The following SORCS3 variants were observed in gnomAD, a reference collection of about 807,000 sequenced individuals.
SORCS3 encodes sortilin related VPS10 domain containing receptor 3.
SORCS3 carries 57 observed loss-of-function variants against 146.3 expected under a neutral mutation model. The observed-to-expected ratio is 0.39, with a 90% CI of 0.31 to 0.49. SORCS3 has a LOEUF of 0.49. SORCS3 is among the 20% of genes least tolerant of loss of function. The pLI, the probability that SORCS3 is intolerant of heterozygous loss-of-function variation, is 0.92. For synonymous variants in SORCS3, 653 were observed against 618.5 expected (o/e 1.06, Z -0.83); for missense variants, 1,341 against 1,575.5 (o/e 0.85, Z 2.52).
At position 104,641,404 on chromosome 10, in the gene SORCS3, C is replaced by A; in HGVS notation, c.77C>A (p.Ser26Ter). 6.8e-7 allele frequency: 1 copy of A among 1,461,434 alleles called. No homozygotes were observed. The highest frequency in any genetic ancestry group is 9.0e-7 in the Non-Finnish European group (1 of 1,112,572). 90.5% of individuals were successfully genotyped at this position (1,461,434 alleles called of 1,614,324 possible). The part of the protein sequence containing the change: ...PLVRTGLLLL[S>*]TWVLAGAEIT... ...GTCCGGACGGGGCTCCTACTCTTGT[C>A]GACGTGGGTCCTGGCCGGCGCCGAG... The change falls in exon 1 of 27, where the codon TCG (serine) becomes TAG (stop). Residue 26 changes from serine (S) to a stop codon, truncating the protein, a stop_gained. Coordinates refer to ENST00000369701, the MANE Select transcript of SORCS3 (RefSeq NM_014978.3). LOFTEE classifies it high-confidence loss of function. The surrounding 1 kb of genome is among the most constrained non-coding windows in gnomAD (Gnocchi z 6.4).
At chr10:104,723,804 C>CT (rs1490181966) in intron 1 of SORCS3, among the ~76,000 whole-genome samples, 6 of 151,900 alleles carry the variant, frequency 3.9e-5, no homozygotes, top group Non-Finnish European at 8.8e-5. Flanking sequence ...CAACCCCTGC[C>CT]TTTTTTTGTT....
At chr10:105,038,111 A>G (rs1040613424) in intron 4 of SORCS3, among the ~76,000 whole-genome samples, 1 of 152,200 alleles carries the variant, frequency 6.6e-6, no homozygotes, top group South Asian at 2.1e-4. Flanking sequence ...TACAGTGGAA[A>G]GAAGGGAAAG....
At chr10:105,217,719 G>C (rs1038610692) in intron 19 of SORCS3, 11 of 438,718 alleles carry the variant, frequency 2.5e-5, no homozygotes, top group Non-Finnish European at 4.6e-5. Flanking sequence ...ATTGGCTGTT[G>C]CTTGGCACAA....
intron 22 of SORCS3, among the ~76,000 whole-genome samples, chr10:105,248,941 G>T (rs535292873): frequency 6.6e-6 from 1 of 152,258 alleles, no homozygotes; most frequent in Non-Finnish European, 1.5e-5. Context: ...AAGAGAATAG[G>T]TTTATATGTC....
chr10:105,200,365 G>A (rs1335336527), intron 15 of SORCS3, among the ~76,000 whole-genome samples: 1 of 152,210 alleles, frequency 6.6e-6, no homozygotes, highest in Non-Finnish European at 1.5e-5. Context: ...GGGGAAAGGT[G>A]TTGATGATAA....
At chr10:105,045,055 A>C (rs1408026405) in intron 5 of SORCS3, among the ~76,000 whole-genome samples, 1 of 148,638 alleles carries the variant, frequency 6.7e-6, no homozygotes, top group African/African-American at 2.5e-5. Flanking sequence ...AGAAAGAAAG[A>C]AAGCGAAAGA....
chr10:104,898,966 T>C (rs1472067174), intron 2 of SORCS3, among the ~76,000 whole-genome samples: 2 of 152,226 alleles, frequency 1.3e-5, no homozygotes. Flanking sequence ...GTCTCCAAGA[T>C]GCATGTCCAG....
At chr10:105,014,068 C>CATAT (rs59328970) in intron 4 of SORCS3, among the ~76,000 whole-genome samples, 5,350 of 136,150 alleles carry the variant, frequency 0.039, 122 homozygotes, top group East Asian at 0.13. Context: ...TCTAAATATA[C>CATAT]ATATATATAT....
intron 5 of SORCS3, 123 bp downstream of exon 5, chr10:105,043,251 A>G (rs1236010514): frequency 7.2e-6 from 6 of 831,254 alleles, no homozygotes; most frequent in Non-Finnish European, 1.2e-5. Flanking sequence ...TTTGCTACAC[A>G]GAGTGGTTTG....
chr10:104,996,823 T>C (rs571283500), intron 4 of SORCS3, among the ~76,000 whole-genome samples: 1 of 151,602 alleles, frequency 6.6e-6, no homozygotes, highest in East Asian at 1.9e-4. Context: ...AAAAAAAAAT[T>C]TTTACTACCA....
intron 1 of SORCS3, among the ~76,000 whole-genome samples, chr10:104,761,612 C>G (rs571606751): frequency 1.8e-4 from 28 of 152,208 alleles, no homozygotes; most frequent in African/African-American, 5.3e-4. Flanking sequence ...ATCCAAGATC[C>G]TGAATGGATA....
At chr10:104,917,744 T>A (rs956652440) in intron 3 of SORCS3, among the ~76,000 whole-genome samples, 4 of 152,216 alleles carry the variant, frequency 2.6e-5, no homozygotes, top group African/African-American at 9.6e-5. Flanking sequence ...ATGGTATTTG[T>A]CTGTCTGTGT....
intron 20 of SORCS3, among the ~76,000 whole-genome samples, chr10:105,231,076 C>A (rs1006965070): frequency 1.3e-5 from 2 of 152,208 alleles, no homozygotes; most frequent in African/African-American, 4.8e-5. Flanking sequence ...GGGAATCTCT[C>A]CAAACTCCTA....
In SORCS3 at chr10:105,190,349, A is replaced by G. The variant is rs187499162; in HGVS notation, c.2010-9650A>G. 1.6e-3 allele frequency among the ~76,000 whole-genome samples: 247 copies of G among 152,336 alleles called. 2 individuals are homozygous for G. The Middle Eastern group carries it at 0.027, about 17-fold the overall frequency. On this transcript the variant is annotated intron_variant, in intron 14 of 26. Transcript: ENST00000369701. ...ACGAATAAAATGAGATGATCCATGC[A>G]TAGTTGTTAGCATACCCTCAGTGTT... is the stretch of plus-strand genomic sequence containing the variant.
chr10:104,849,409 CT>C (rs1564697699), intron 2 of SORCS3, among the ~76,000 whole-genome samples: 2 of 57,216 alleles, frequency 3.5e-5, no homozygotes, highest in African/African-American at 1.9e-4. Context: ...GAGACTCCAT[CT>C]CAAAAAAAAA....
intron 1 of SORCS3, among the ~76,000 whole-genome samples, chr10:104,648,634 G>A (rs577063541): frequency 6.6e-6 from 1 of 152,294 alleles, no homozygotes; most frequent in South Asian, 2.1e-4. Flanking sequence ...GTTAATGGGG[G>A]CCTCTTGTGA....
At chr10:105,102,706 C>T (rs1436649048) in intron 6 of SORCS3, among the ~76,000 whole-genome samples, 4 of 151,012 alleles carry the variant, frequency 2.6e-5, no homozygotes, top group South Asian at 2.1e-4. Flanking sequence ...ACAGTGGCTC[C>T]TGGGTTTCAT....
At chr10:104,728,516 G>A (rs2133451216) in intron 1 of SORCS3, among the ~76,000 whole-genome samples, 1 of 152,276 alleles carries the variant, frequency 6.6e-6, no homozygotes, top group South Asian at 2.1e-4. Flanking sequence ...AAAATGGTTG[G>A]AAACCAGGTT....
intron 1 of SORCS3, among the ~76,000 whole-genome samples, chr10:104,806,970 T>A: frequency 6.6e-6 from 1 of 152,106 alleles, no homozygotes; most frequent in East Asian, 1.9e-4. Flanking sequence ...TGACACATTC[T>A]GGAAAACTTT....
Sources: gnomAD v4.1 joint callset for allele counts (sites outside exome capture counted in the v4.1 genomes callset) on GRCh38, gnomAD v4.1.1 for gene constraint, Gnocchi (gnomAD v3.1) non-coding constraint, MANE v1.5 for transcripts, NCBI Gene and HGNC (gene_info 2026-07-23, HGNC 2026-07-21) for gene names.